The following TMEM63A variants were observed in gnomAD, a reference collection of about 807,000 sequenced individuals.
TMEM63A encodes the protein transmembrane protein 63A.
A neutral mutation model predicts 100.6 loss-of-function variants in TMEM63A; 76 were observed. The ratio of observed to expected loss-of-function variants is 0.76; its 90% confidence interval spans 0.63 to 0.91. The LOEUF is 0.91. Ranked by LOEUF, TMEM63A falls within the 40% of genes least tolerant of loss-of-function variation. The probability of loss-of-function intolerance (pLI) is 0.00; values close to 1 mark genes in which losing one functional copy is unlikely to be tolerated. For missense variants in TMEM63A, 876 were observed against 1,008.8 expected (o/e 0.87, Z 1.78); for synonymous variants, 401 against 401.1 (o/e 1.00, Z 0.00).
In TMEM63A at chr1:225,867,807, TG is replaced by T; in HGVS notation, c.514+80del. On this transcript the variant is annotated intron_variant, in intron 7 of 24. Transcript: ENST00000366835. This position sits in a 1 kb window ranked among gnomAD's most constrained non-coding sequence, Gnocchi z 4.6. ...AAGTGGGGCATGACTCCTGGGGTTC[TG>T]GTCTACCACAGTGAGCCCTTTCCCT... 6.4e-7 allele frequency: 1 copy of T among 1,565,706 alleles called. No individual in the cohort carries two copies. Among genetic ancestry groups the T allele is most frequent in the Non-Finnish European group, 8.7e-7 (1 of 1,148,352 alleles).
chr1:225,868,416 C>T (rs1161460703), intron 6 of TMEM63A, among the ~76,000 whole-genome samples: 1 of 152,078 alleles, frequency 6.6e-6, no homozygotes, highest in Non-Finnish European at 1.5e-5. Context: ...TGGCTCACAC[C>T]TGTAATCCCA....
chr1:225,881,242 G>A lies in TMEM63A; in HGVS notation c.-206+1062C>T, dbSNP rs539803040. Among the ~76,000 whole-genome samples the A allele has an allele frequency of 2.6e-5, 4 of 152,312 alleles. No individual in the cohort carries two copies. In the East Asian group the frequency reaches 7.7e-4, roughly 29 times the overall value. ...TCTGGAGTTAGGGTCTCAGCACCAC[G>A]CAGTTCAGACAAGCAGCCTAACCAC... is the stretch of plus-strand genomic sequence containing the variant. On this transcript the variant is annotated intron_variant, in intron 1 of 24. Transcript: ENST00000366835.
At chr1:225,848,313 G>C in intron 23 of TMEM63A, 179 bp downstream of exon 23, 1 of 629,224 alleles carries the variant, frequency 1.6e-6, no homozygotes, top group South Asian at 2.0e-5. Context: ...TTTCAAATAT[G>C]CAGGTTAAAA....
At chr1:225,868,060 G>A in intron 6 of TMEM63A, 30 bp from the exon 7 acceptor site, 4 of 1,612,846 alleles carry the variant, frequency 2.5e-6, no homozygotes, top group Non-Finnish European at 3.4e-6. Flanking sequence ...ATCTTAATGA[G>A]CAGTGGAACA....
downstream of TMEM63A, among the ~76,000 whole-genome samples, chr1:225,843,546 G>C (rs1483710497): frequency 1.3e-5 from 2 of 152,170 alleles, no homozygotes; most frequent in Non-Finnish European, 2.9e-5. Flanking sequence ...CCTTGGCAGG[G>C]GGTCTGGCCT....
chr1:225,850,466 G>A (rs1391545501), intron 20 of TMEM63A, among the ~76,000 whole-genome samples: 1 of 152,090 alleles, frequency 6.6e-6, no homozygotes, highest in African/African-American at 2.4e-5. Flanking sequence ...ATGTGGGGGA[G>A]TTTACCTAAA....
chr1:225,876,657 G>GTTTTTT (rs397983049), intron 3 of TMEM63A, among the ~76,000 whole-genome samples: 1 of 44,732 alleles, frequency 2.2e-5, no homozygotes, highest in African/African-American at 5.1e-5. Context: ...TGTTTTTTTG[G>GTTTTTT]TTTTTTTTGA....
At chr1:225,881,807 C>G (rs1671102958) in intron 1 of TMEM63A, among the ~76,000 whole-genome samples, 1 of 152,194 alleles carries the variant, frequency 6.6e-6, no homozygotes, top group Non-Finnish European at 1.5e-5. Flanking sequence ...GCCCTTCCCC[C>G]CAGTCCCCGA....
chr1:225,868,084 T>C, intron 6 of TMEM63A, 54 bp from the exon 7 acceptor site: 2 of 1,600,766 alleles, frequency 1.2e-6, no homozygotes, highest in African/African-American at 2.7e-5. Flanking sequence ...CTCGGGGCTC[T>C]GCATGAAGTG....
rs761707215 is a variant in TMEM63A, at chr1:225,853,934, C to G, written c.1635-143G>C. The stretch of plus-strand genomic sequence containing the variant: ...TTCAGCACATATTTGGGAAACACAT[C>G]TGTGTGCCAAGCACCTTTCTAGGCA... On this transcript the variant is annotated intron_variant, in intron 18 of 24. Coordinates refer to ENST00000366835, the MANE Select transcript of TMEM63A (RefSeq NM_014698.3). This position sits in a 1 kb window ranked among gnomAD's most constrained non-coding sequence, Gnocchi z 4.0. 7.3e-6 allele frequency: 6 copies of G among 817,090 alleles called. No individual in the cohort carries two copies. In the Middle Eastern group the frequency reaches 1.1e-3, roughly 152 times the overall value. 50.6% of individuals were successfully genotyped at this position (817,090 alleles called of 1,614,324 possible).
chr1:225,844,454 TG>T, downstream of TMEM63A: 1 of 1,490,010 alleles, frequency 6.7e-7, no homozygotes, highest in Non-Finnish European at 9.3e-7. Flanking sequence ...GTCACACAAC[TG>T]CATGTGGCAC....
chr1:225,869,463 T>G (rs1670381517), intron 6 of TMEM63A, among the ~76,000 whole-genome samples: 1 of 152,152 alleles, frequency 6.6e-6, no homozygotes. Context: ...TGGGAACAAC[T>G]CCTACCAAAC....
chr1:225,848,371 G>C, intron 23 of TMEM63A, 121 bp downstream of exon 23: 1 of 1,013,126 alleles, frequency 9.9e-7, no homozygotes, highest in Non-Finnish European at 1.5e-6. Context: ...TCACAAACTT[G>C]CCTGCCATGT....
chr1:225,847,405 A>AG (rs1324782399), intron 23 of TMEM63A, 192 bp from the exon 24 acceptor site: 1 of 632,974 alleles, frequency 1.6e-6, no homozygotes, highest in African/African-American at 1.8e-5. Flanking sequence ...CCAGGGCAAA[A>AG]GAGAAAGCAC....
rs761742818 is a variant in TMEM63A, at chr1:225,862,261, C to G, written c.1042G>C (p.Gly348Arg). The change falls in exon 13 of 25, where the codon GGA becomes CGA. Residue 348 changes from glycine to arginine, a missense_variant. This residue lies in a region of TMEM63A where 487 missense variants were observed against 581.9 expected (regional missense o/e 0.84). Transcript: ENST00000366835. The surrounding 1 kb of genome is among the most constrained non-coding windows in gnomAD (Gnocchi z 5.1). ...EERHVQDQPL[G>R]MAFVTFQEKS... is the part of the protein sequence containing the mutation. ...TCCTGGAAGGTGACGAAGGCCATTCCCAGGGGCTGGTCCTGGACGTGGCGT... is the reference window on the plus strand; with the variant it reads ...TCCTGGAAGGTGACGAAGGCCATTCGCAGGGGCTGGTCCTGGACGTGGCGT... The G allele has an allele frequency of 6.2e-7, 1 of 1,614,160 alleles. No homozygotes were observed. The highest frequency in any genetic ancestry group is 2.2e-5 in the East Asian group (1 of 44,874).
rs1669655446 is a variant in TMEM63A, at chr1:225,856,979, G to C, written c.1416C>G (p.Leu472=). 1.3e-6 allele frequency: 2 copies of C among 1,593,492 alleles called. No homozygotes were observed. Among genetic ancestry groups the C allele is most frequent in the South Asian group, 1.1e-5 (1 of 87,276 alleles). Reference sequence around the variant, plus strand: ...AGGGGAGCAGGGCCGAGAAGGACCAGAGCAGGAGGGTGGGGAAGAACTGGC... The same window carrying C: ...AGGGGAGCAGGGCCGAGAAGGACCACAGCAGGAGGGTGGGGAAGAACTGGC... ...IISQFFPTLL[L]WSFSALLPSI... The change falls in exon 16 of 25, where the codon CTC becomes CTG. Residue 472 remains leucine, a synonymous_variant. Transcript: ENST00000366835.
Position 225,865,989 on chromosome 1 carries a change from G to A in TMEM63A, c.676-22C>T. 1 of 1,612,556 alleles carries A rather than the reference G, an allele frequency of 6.2e-7. No homozygotes were observed. Among genetic ancestry groups the A allele is most frequent in the South Asian group, 1.1e-5 (1 of 90,890 alleles). ...TCACCTGTCCGGGAAATACAGCAGG[G>A]AGAGAAGTCACCCACAAGCCAGTGT... is the stretch of plus-strand genomic sequence containing the variant. On this transcript the variant is annotated intron_variant, in intron 9 of 24. Coordinates refer to ENST00000366835, the MANE Select transcript of TMEM63A (RefSeq NM_014698.3). This position sits in a 1 kb window ranked among gnomAD's most constrained non-coding sequence, Gnocchi z 4.6.
chr1:225,843,254 G>A (rs1668585029), downstream of TMEM63A, among the ~76,000 whole-genome samples: 1 of 152,210 alleles, frequency 6.6e-6, no homozygotes. Flanking sequence ...CCAGGAGAAT[G>A]TATCTGATTT....
At chr1:225,871,357 A>C (rs895136967) in intron 5 of TMEM63A, among the ~76,000 whole-genome samples, 1 of 152,194 alleles carries the variant, frequency 6.6e-6, no homozygotes, top group Non-Finnish European at 1.5e-5. Flanking sequence ...AAGCTGATGA[A>C]AGCTCAGGGC....
Sources: gnomAD v4.1 joint callset for allele counts (sites outside exome capture counted in the v4.1 genomes callset) on GRCh38, gnomAD v4.1.1 for gene constraint, gnomAD v4.1.1 regional missense constraint, Gnocchi (gnomAD v3.1) non-coding constraint, MANE v1.5 for transcripts, NCBI Gene and HGNC (gene_info 2026-07-23, HGNC 2026-07-21) for gene names.